The following LPP variants were observed in gnomAD, a reference collection of about 807,000 sequenced individuals.
LPP encodes the protein LIM domain containing preferred translocation partner in lipoma, also known as lipoma-preferred partner.
A neutral mutation model predicts 60.4 loss-of-function variants in LPP; 38 were observed. That is an observed-to-expected ratio of 0.63 (90% CI 0.49 to 0.83). The LOEUF (loss-of-function observed/expected upper bound fraction) is 0.83, where lower values mean the gene tolerates loss of function less well. LPP is among the 40% of genes least tolerant of loss of function. The pLI is 0.00. For synonymous variants in LPP, 328 were observed against 290.8 expected (o/e 1.13, Z -1.30); for missense variants, 902 against 783.6 (o/e 1.15, Z -1.80).
Position 188,715,376 on chromosome 3 carries a change from CAAAAAAAAAAAAAAAA to C in LPP, c.1240+6998_1240+7013del, listed in dbSNP as rs35761284. Reference sequence around the variant, plus strand: ...CTGGTGACAGAGGGAGACTCCGTCTCAAAAAAAAAAAAAAAAAAAAAAAAAAAAAAGGAACATGGGG... The same window carrying C: ...CTGGTGACAGAGGGAGACTCCGTCTCAAAAAAAAAAAAAAGGAACATGGGG... On this transcript the variant is annotated intron_variant, in intron 8 of 11. Transcript: ENST00000617246. 4.6e-4 allele frequency among the ~76,000 whole-genome samples: 29 copies of C among 63,664 alleles called. 1 individual carries two copies. The highest frequency in any genetic ancestry group is 4.3e-3 in the Admixed American group (17 of 3,914). 41.8% of individuals were successfully genotyped at this position (63,664 alleles called of 152,430 possible).
chr3:188,601,676 G>A (rs1272158505), intron 6 of LPP, among the ~76,000 whole-genome samples: 2 of 152,102 alleles, frequency 1.3e-5, no homozygotes, highest in Non-Finnish European at 2.9e-5. Context: ...TGTTGAGTGG[G>A]TTTATCTACA....
At chr3:188,837,385 A>ATC (rs35314482) in intron 9 of LPP, among the ~76,000 whole-genome samples, 19 of 47,092 alleles carry the variant, frequency 4.0e-4, no homozygotes, top group Non-Finnish European at 6.5e-4. Flanking sequence ...TCTCAAACAT[A>ATC]ATAATAATAA....
intron 6 of LPP, among the ~76,000 whole-genome samples, chr3:188,564,565 G>A (rs369467486): frequency 2.6e-5 from 4 of 151,840 alleles, no homozygotes; most frequent in African/African-American, 7.2e-5. Flanking sequence ...TAAAGAAATC[G>A]TTTCTTGGGT....
At chr3:188,314,693 C>A (rs190401401) in intron 2 of LPP, among the ~76,000 whole-genome samples, 1 of 151,968 alleles carries the variant, frequency 6.6e-6, no homozygotes, top group Non-Finnish European at 1.5e-5. Context: ...TGGTGTCATG[C>A]GCCTGTAATC....
chr3:188,693,136 T>C (rs940959074), intron 7 of LPP, among the ~76,000 whole-genome samples: 1 of 152,138 alleles, frequency 6.6e-6, no homozygotes, highest in Non-Finnish European at 1.5e-5. Flanking sequence ...CTCATTAGAG[T>C]GTCACCTTGA....
At chr3:188,311,187 G>GCTCT (rs10662292) in intron 2 of LPP, among the ~76,000 whole-genome samples, 16 of 148,494 alleles carry the variant, frequency 1.1e-4, no homozygotes, top group South Asian at 4.3e-4. Context: ...TATTTTATAT[G>GCTCT]CTCTCTCTCT....
At chr3:188,493,230 T>C (rs1328256855) in intron 5 of LPP, among the ~76,000 whole-genome samples, 1 of 152,192 alleles carries the variant, frequency 6.6e-6, no homozygotes, top group Non-Finnish European at 1.5e-5. Flanking sequence ...ACTTCAGTAT[T>C]GTACCAAGAT....
At chr3:188,377,591 C>T (rs1483787958) in intron 3 of LPP, among the ~76,000 whole-genome samples, 1 of 152,152 alleles carries the variant, frequency 6.6e-6, no homozygotes, top group Non-Finnish European at 1.5e-5. Flanking sequence ...ATTGGTTATT[C>T]TAGTTATCCA....
intron 4 of LPP, among the ~76,000 whole-genome samples, chr3:188,471,549 G>A (rs980445106): frequency 6.6e-6 from 1 of 152,162 alleles, no homozygotes; most frequent in Non-Finnish European, 1.5e-5. Flanking sequence ...CCACCTTTGT[G>A]ATAGGGAGAA....
At chr3:188,459,233 T>C (rs1798440506) in intron 4 of LPP, among the ~76,000 whole-genome samples, 1 of 152,170 alleles carries the variant, frequency 6.6e-6, no homozygotes, top group Non-Finnish European at 1.5e-5. Context: ...GTTGTTTGTA[T>C]ACCAAACATA....
intron 8 of LPP, among the ~76,000 whole-genome samples, chr3:188,739,988 T>A (rs952642645): frequency 1.3e-5 from 2 of 152,124 alleles, no homozygotes; most frequent in African/African-American, 4.8e-5. Context: ...TTGAGTTTGT[T>A]GATACTAAGG....
chr3:188,348,484 C>A (rs1379244760), intron 3 of LPP, among the ~76,000 whole-genome samples: 1 of 152,172 alleles, frequency 6.6e-6, no homozygotes, highest in East Asian at 1.9e-4. Context: ...TACCAGTGTA[C>A]TGTTCAATAT....
intron 8 of LPP, among the ~76,000 whole-genome samples, chr3:188,719,227 C>T (rs1046744657): frequency 1.3e-5 from 2 of 152,130 alleles, no homozygotes; most frequent in Non-Finnish European, 2.9e-5. Flanking sequence ...GTCTTTGGTT[C>T]CCAGGACCAT....
chr3:188,407,050 A>T (rs1431265703), intron 4 of LPP, among the ~76,000 whole-genome samples: 1 of 149,516 alleles, frequency 6.7e-6, no homozygotes, highest in South Asian at 2.2e-4. Context: ...TTAGCAGCTT[A>T]TTCAAACTCA....
intron 9 of LPP, among the ~76,000 whole-genome samples, chr3:188,840,798 G>A (rs1759764842): frequency 6.6e-6 from 1 of 152,142 alleles, no homozygotes; most frequent in South Asian, 2.1e-4. Flanking sequence ...TGCCCATCAT[G>A]TGAAATTACA....
At chr3:188,528,825 T>C (rs1309496723) in intron 6 of LPP, among the ~76,000 whole-genome samples, 1 of 152,202 alleles carries the variant, frequency 6.6e-6, no homozygotes, top group Non-Finnish European at 1.5e-5. Flanking sequence ...AGGTTTTGTC[T>C]TTGTTTTTGT....
chr3:188,204,763 A>G (rs977320986), intron 1 of LPP, among the ~76,000 whole-genome samples: 2 of 152,154 alleles, frequency 1.3e-5, no homozygotes, highest in African/African-American at 4.8e-5. Context: ...TCCTGTGCCA[A>G]TGACCTGGAG....
At chr3:188,221,603 C>G (rs904351948) in intron 1 of LPP, among the ~76,000 whole-genome samples, 2 of 152,144 alleles carry the variant, frequency 1.3e-5, no homozygotes, top group African/African-American at 4.8e-5. Context: ...CCCGGCCATT[C>G]GAATTGTTTT....
chr3:188,452,057 C>T (rs1458048678), intron 4 of LPP, among the ~76,000 whole-genome samples: 1 of 152,144 alleles, frequency 6.6e-6, no homozygotes, highest in Non-Finnish European at 1.5e-5. Context: ...AACAGCCGTA[C>T]TTAACAATCT....
Sources: gnomAD v4.1 joint callset for allele counts (sites outside exome capture counted in the v4.1 genomes callset) on GRCh38, gnomAD v4.1.1 for gene constraint, MANE v1.5 for transcripts, NCBI Gene and HGNC (gene_info 2026-07-23, HGNC 2026-07-21) for gene names.